Variants in AHNAK2 observed in about 807,000 individuals in gnomAD.
AHNAK2 encodes the protein protein AHNAK2.
A neutral mutation model predicts 30.7 loss-of-function variants in AHNAK2; 18 were observed. The ratio of observed to expected loss-of-function variants is 0.59; its 90% CI spans 0.41 to 0.87. The LOEUF is 0.87. AHNAK2 is among the 40% of genes least tolerant of loss of function. AHNAK2 has a pLI of 0.00. For synonymous variants in AHNAK2, 3,590 were observed against 3,073.8 expected (o/e 1.17, Z -5.56); for missense variants, 8,604 against 7,373.0 (o/e 1.17, Z -6.11).
rs1450868968 is a variant in AHNAK2 at position 104,946,737 on chromosome 14, T to C, written c.8714A>G (p.Lys2905Arg). The C allele has an allele frequency of 1.2e-6, 2 of 1,612,616 alleles. No homozygotes were observed. Among genetic ancestry groups the C allele is most frequent in the African/African-American group, 1.3e-5 (1 of 74,594 alleles). ...HLPKVQMPSF[K>R]MPKVDLKGPQ... ...GCCCTTGAGATCCACTTTGGGCATCTTGAAACTGGGCATCTGCACCTTGGG... is the reference window on the plus strand; with the variant it reads ...GCCCTTGAGATCCACTTTGGGCATCCTGAAACTGGGCATCTGCACCTTGGG... Residue 2905 changes from lysine to arginine, a missense_variant, in exon 7 of 7, where the codon AAG becomes AGG. Physicochemically the swap from Lys to Arg is conservative, Grantham distance 26. Coordinates refer to ENST00000333244, the MANE Select transcript of AHNAK2 (RefSeq NM_138420.4).
rs1219705430 is a variant in AHNAK2, at chr14:104,957,527, G to C, written c.115-19C>G. On this transcript the variant is annotated intron_variant, in intron 2 of 6. Coordinates refer to ENST00000333244, the MANE Select transcript of AHNAK2 (RefSeq NM_138420.4). ...CAGTCACCTGACGGGAGAGAATCCA[G>C]TTATTTTTGCCACTCGGTTCTCCCA... is the stretch of plus-strand genomic sequence containing the variant. 4.4e-6 allele frequency: 7 copies of C among 1,592,896 alleles called. No homozygotes were observed. The highest frequency in any genetic ancestry group is 6.0e-6 in the Non-Finnish European group (7 of 1,168,690).
chr14:104,949,918 A>T lies in AHNAK2; in HGVS notation c.5533T>A (p.Ser1845Thr), dbSNP rs544344402. 211 of 1,588,636 alleles carry T rather than the reference A, an allele frequency of 1.3e-4. 6 individuals are homozygous for T. The African/African-American group carries it at 2.2e-3, about 17-fold the overall frequency. Reference protein sequence around the residue: ...VSAPGKSIEASVDVSAPKVEA... With the variant: ...VSAPGKSIEATVDVSAPKVEA... Reference sequence around the variant, plus strand: ...ACCTTCGGCGCAGACACATCCACCGAGGCCTCGATGGACTTGCCTGGGGCA... The same window carrying T: ...ACCTTCGGCGCAGACACATCCACCGTGGCCTCGATGGACTTGCCTGGGGCA... The change falls in exon 7 of 7, where the codon TCG becomes ACG. Residue 1845 changes from serine (S) to threonine (T), a missense_variant. Physicochemically the swap from Ser to Thr is moderately conservative, Grantham distance 58 (BLOSUM62 1). Coordinates refer to ENST00000333244, the MANE Select transcript of AHNAK2 (RefSeq NM_138420.4).
rs1307487119 is a variant in AHNAK2 at position 104,940,845 on chromosome 14, T to C, written c.14606A>G (p.Lys4869Arg). The C allele has an allele frequency of 6.2e-7, 1 of 1,613,034 alleles. No homozygotes were observed. The highest frequency in any genetic ancestry group is 8.5e-7 in the Non-Finnish European group (1 of 1,179,842). ...CATTTGGGGGACTGAAAACACAAAC[T>C]TTGGTTTATAGAATTTAGGAAAAGA... The part of the protein sequence containing the change: ...QVSFPKFYKP[K>R]FVFSVPQMAV... Residue 4869 changes from lysine (K) to arginine (R), a missense_variant, in exon 7 of 7, where the codon AAG (lysine) becomes AGG (arginine). Transcript: ENST00000333244. The surrounding 1 kb of genome is among the most constrained non-coding windows in gnomAD (Gnocchi z 4.4).
At chr14:104,958,865 C>G (rs1175488095) in intron 1 of AHNAK2, among the ~76,000 whole-genome samples, 1 of 152,096 alleles carries the variant, frequency 6.6e-6, no homozygotes, top group Admixed American at 6.5e-5. Context: ...ACGTCACAGT[C>G]AAAATGCTTA....
rs758611032 is a variant in AHNAK2, at chr14:104,941,778, T to C, written c.13673A>G (p.Lys4558Arg). 7 of 1,613,508 alleles carry C rather than the reference T, an allele frequency of 4.3e-6. No individual in the cohort carries two copies. The highest frequency in any genetic ancestry group is 5.9e-6 in the Non-Finnish European group (7 of 1,179,782). The change falls in exon 7 of 7, where the codon AAA (lysine) becomes AGA (arginine). Residue 4558 changes from lysine (K) to arginine (R), a missense_variant. Coordinates refer to ENST00000333244, the MANE Select transcript of AHNAK2 (RefSeq NM_138420.4). The stretch of plus-strand genomic sequence containing the variant: ...CACCTGGGGGCCCTTGAGGTCCACT[T>C]TGGGCATCTTGAAACTGGGCATCTC... ...KVEMPSFKMP[K>R]VDLKGPQVDV...
intron 1 of AHNAK2, among the ~76,000 whole-genome samples, chr14:104,971,226 C>T (rs756113930): frequency 6.6e-6 from 1 of 152,152 alleles, no homozygotes; most frequent in Non-Finnish European, 1.5e-5. Flanking sequence ...ACCATCCTCC[C>T]GTGTCAGCCT....
At position 104,953,276 on chromosome 14, in the gene AHNAK2, G is replaced by T. The variant is rs746740498; in HGVS notation, c.2175C>A (p.Val725=). The change falls in exon 7 of 7, where the codon GTC becomes GTA. Residue 725 remains valine, a synonymous_variant. Coordinates refer to ENST00000333244, the MANE Select transcript of AHNAK2 (RefSeq NM_138420.4). ...QGDLKTTDLS[V]QTPSADLEVQ... ...CCTCCAGGTCAGCGGAAGGGGTCTG[G>T]ACGCTGAGGTCAGTGGTCTTGAGGT... 6.2e-6 allele frequency: 10 copies of T among 1,611,428 alleles called. No individual in the cohort carries two copies. The African/African-American group carries it at 1.2e-4, about 20-fold the overall frequency.
chr14:104,949,506 G>A lies in AHNAK2; in HGVS notation c.5945C>T (p.Thr1982Ile). 1 of 1,588,534 alleles carries A rather than the reference G, an allele frequency of 6.3e-7. No homozygotes were observed. Among genetic ancestry groups the A allele is most frequent in the Non-Finnish European group, 8.6e-7 (1 of 1,163,064 alleles). Residue 1982 changes from threonine (T) to isoleucine (I), a missense_variant, in exon 7 of 7, where the codon ACT (threonine) becomes ATT (isoleucine). Physicochemically the swap from Thr to Ile is moderately conservative, Grantham distance 89. Transcript: ENST00000333244. ...GDLSLADKDM[T>I]AKDSKFKMPK... ...CATTTTGAACTTGCTGTCTTTGGCA[G>A]TCATGTCCTTGTCGGCCAGGGACAG...
rs200852638 is a variant in AHNAK2 at position 104,950,587 on chromosome 14, A to G, written c.4864T>C (p.Ser1622Pro). Residue 1622 changes from serine to proline, a missense_variant, in exon 7 of 7, where the codon TCC becomes CCC. Transcript: ENST00000333244. ...GCCTGGACGTCCACCTCCATGCTGGACAGAGACATCTTCACATCGGGGGCT... is the reference window on the plus strand; with the variant it reads ...GCCTGGACGTCCACCTCCATGCTGGGCAGAGACATCTTCACATCGGGGGCT... Reference protein sequence around the residue: ...VTAPDVKMSLSSMEVDVQAPR... With the variant: ...VTAPDVKMSLPSMEVDVQAPR... The G allele has an allele frequency of 1.8e-4, 285 of 1,584,130 alleles. 40 individuals carry two copies. In the Admixed American group the frequency reaches 3.6e-3, roughly 20 times the overall value.
Position 104,941,301 on chromosome 14 carries a change from G to A in AHNAK2, c.14150C>T (p.Pro4717Leu). The change falls in exon 7 of 7, where the codon CCT (proline) becomes CTT (leucine). Residue 4717 changes from proline (P) to leucine (L), a missense_variant. Coordinates refer to ENST00000333244, the MANE Select transcript of AHNAK2 (RefSeq NM_138420.4). ...PKVSFSSTKTPKDSLVPGAKS... is the reference protein window; with the variant it reads ...PKVSFSSTKTLKDSLVPGAKS... ...TGCACCTGGGACTAAACTATCTTTAGGAGTTTTGGTAGAAGAAAATGAAAC... is the reference window on the plus strand; with the variant it reads ...TGCACCTGGGACTAAACTATCTTTAAGAGTTTTGGTAGAAGAAAATGAAAC... The A allele has an allele frequency of 1.2e-6, 2 of 1,613,522 alleles. No individual in the cohort carries two copies. The highest frequency in any genetic ancestry group is 1.7e-6 in the Non-Finnish European group (2 of 1,179,846).
chr14:104,975,407 T>C (rs1012540943), intron 1 of AHNAK2, among the ~76,000 whole-genome samples: 3 of 152,124 alleles, frequency 2.0e-5, no homozygotes, highest in Admixed American at 1.3e-4. Flanking sequence ...GCTGGGGTTG[T>C]TAGGAACACA....
intron 1 of AHNAK2, among the ~76,000 whole-genome samples, chr14:104,962,217 C>G (rs2140875841): frequency 6.6e-6 from 1 of 152,284 alleles, no homozygotes; most frequent in East Asian, 1.9e-4. Flanking sequence ...GCATGCTGCT[C>G]TCAGGTGCAC....
chr14:104,957,807 C>T (rs1479339346), intron 1 of AHNAK2, 135 bp from the exon 2 acceptor site: 11 of 885,532 alleles, frequency 1.2e-5, no homozygotes, highest in Non-Finnish European at 1.9e-5. Flanking sequence ...GGAGAGCAAA[C>T]TCAGGGGCTG....
chr14:104,944,646 G>A lies in AHNAK2; in HGVS notation c.10805C>T (p.Pro3602Leu), dbSNP rs745713300. 3.7e-6 allele frequency: 6 copies of A among 1,613,080 alleles called. No homozygotes were observed. The East Asian group carries it at 1.1e-4, about 30-fold the overall frequency. Residue 3602 changes from proline to leucine, a missense_variant, in exon 7 of 7, where the codon CCC (proline) becomes CTC (leucine). Physicochemically the swap from Pro to Leu is moderately conservative, Grantham distance 98 (BLOSUM62 -3). Transcript: ENST00000333244. ...GGCCTGGACATCCACCTCCACGCTG[G>A]GCAGAGACACCTCGACATCGGGGAC... ...VRVPDVEVSL[P>L]SVEVDVQAPK...
At chr14:104,955,462 G>A in intron 5 of AHNAK2, 21 bp downstream of exon 5, 1 of 1,605,920 alleles carries the variant, frequency 6.2e-7, no homozygotes, top group Non-Finnish European at 8.5e-7. Flanking sequence ...GGTGACCCCA[G>A]GGATGGAACT....
chr14:104,946,390 G>C lies in AHNAK2; in HGVS notation c.9061C>G (p.Leu3021Val), dbSNP rs765260628. The C allele has an allele frequency of 6.2e-7, 1 of 1,612,498 alleles. No individual in the cohort carries two copies. The highest frequency in any genetic ancestry group is 1.1e-5 in the South Asian group (1 of 91,016). The change falls in exon 7 of 7, where the codon CTG becomes GTG. Residue 3021 changes from leucine to valine, a missense_variant. Leu to Val is a conservative substitution (Grantham distance 32). Coordinates refer to ENST00000333244, the MANE Select transcript of AHNAK2 (RefSeq NM_138420.4). ...TCAATGCTGATGTCAGTGGTCTTCA[G>C]GTCCCCCTGCATGGAGGGGAGGCTC... ...EVSLPSMQGD[L>V]KTTDISIEPP...
In AHNAK2 at chr14:104,951,903, T is replaced by G. The variant is rs185623099; in HGVS notation, c.3548A>C (p.Glu1183Ala). ...GGGTGCAGACACATCCACCGAGGCCTCGATGGACTTGCCTGGGGCTGACGC... is the reference window on the plus strand; with the variant it reads ...GGGTGCAGACACATCCACCGAGGCCGCGATGGACTTGCCTGGGGCTGACGC... The part of the protein sequence containing the change: ...FGASAPGKSI[E>A]ASVDVSAPKV... Residue 1183 changes from glutamate (E) to alanine (A), a missense_variant, in exon 7 of 7, where the codon GAG (glutamate) becomes GCG (alanine). Physicochemically the swap from Glu to Ala is moderately radical, Grantham distance 107 (BLOSUM62 -1). Coordinates refer to ENST00000333244, the MANE Select transcript of AHNAK2 (RefSeq NM_138420.4). 4,057 of 1,609,774 alleles carry G rather than the reference T, an allele frequency of 2.5e-3. 27 individuals are homozygous for G. Among genetic ancestry groups the G allele is most frequent in the Non-Finnish European group, 3.1e-3 (3,641 of 1,178,380 alleles).
Position 104,952,587 on chromosome 14 carries a change from G to A in AHNAK2, c.2864C>T (p.Pro955Leu), listed in dbSNP as rs746038279. Residue 955 changes from proline to leucine, a missense_variant, in exon 7 of 7, where the codon CCC becomes CTC. Pro to Leu is a moderately conservative substitution (Grantham distance 98). Coordinates refer to ENST00000333244, the MANE Select transcript of AHNAK2 (RefSeq NM_138420.4). ...LKGPKAEVTA[P>L]DGEVSLPSME... ...GCTGGGCAGAGACACCTCGCCATCG[G>A]GGGCTGTCACTTCCGCCTTGGGGCC... 1 of 1,612,880 alleles carries A rather than the reference G, an allele frequency of 6.2e-7. No homozygotes were observed. The highest frequency in any genetic ancestry group is 8.5e-7 in the Non-Finnish European group (1 of 1,179,690).
rs1248211017 is a variant in AHNAK2 at position 104,950,065 on chromosome 14, G to A, written c.5386C>T (p.Pro1796Ser). The A allele has an allele frequency of 6.3e-7, 1 of 1,586,712 alleles. No individual in the cohort carries two copies. Among genetic ancestry groups the A allele is most frequent in the South Asian group, 1.1e-5 (1 of 89,988 alleles). Residue 1796 changes from proline to serine, a missense_variant, in exon 7 of 7, where the codon CCA becomes TCA. Transcript: ENST00000333244. Reference sequence around the variant, plus strand: ...CGCACACTGTCCAGCTTGGCTCCTGGAGCCTCGACGTCCACCTCCACGCTG... The same window carrying A: ...CGCACACTGTCCAGCTTGGCTCCTGAAGCCTCGACGTCCACCTCCACGCTG... ...LPSVEVDVEAPGAKLDSVRLE... is the reference protein window; with the variant it reads ...LPSVEVDVEASGAKLDSVRLE...
Sources: gnomAD v4.1 joint callset for allele counts (sites outside exome capture counted in the v4.1 genomes callset) on GRCh38, gnomAD v4.1.1 for gene constraint, Gnocchi (gnomAD v3.1) non-coding constraint, MANE v1.5 for transcripts, NCBI Gene and HGNC (gene_info 2026-07-23, HGNC 2026-07-21) for gene names.